TRMT44: variants seen among roughly 807,000 people sequenced by gnomAD.
TRMT44 encodes the protein probable tRNA (uracil-O(2)-)-methyltransferase.
TRMT44 carries 78 observed loss-of-function variants against 77.3 expected under a neutral mutation model. That is an observed-to-expected ratio of 1.01 (90% confidence interval 0.84 to 1.22). The LOEUF is 1.22. Among genes scored for constraint, TRMT44 ranks in the 50% most tolerant of loss-of-function variants. TRMT44 has a pLI of 0.00. For missense variants in TRMT44, 1,090 were observed against 964.4 expected (o/e 1.13, Z -1.73); for synonymous variants, 391 against 383.3 (o/e 1.02, Z -0.23).
chr4:8,504,636 G>A, the TRMT44 span, among the ~76,000 whole-genome samples: 1 of 152,118 alleles, frequency 6.6e-6, no homozygotes, highest in South Asian at 2.1e-4. The surrounding 1 kb of genome is among the most constrained non-coding windows in gnomAD (Gnocchi z 5.3). Flanking sequence ...TCTTCCACCC[G>A]GGAGGAAGTT....
chr4:8,509,311 C>T, the TRMT44 span: 5 of 152,816 alleles, frequency 3.3e-5, no homozygotes, highest in Middle Eastern at 3.4e-3. Flanking sequence ...CCAGCTGCCC[C>T]GGAGTGGCAG....
chr4:8,507,420 C>T, the TRMT44 span: 12 of 152,778 alleles, frequency 7.9e-5, no homozygotes, highest in Non-Finnish European at 1.3e-4. Context: ...CTGAAAACCC[C>T]GGGAGGGAAG....
intron 1 of TRMT44, among the ~76,000 whole-genome samples, chr4:8,445,292 CTGTTGCAGTTTTTAA>C (rs1401063771): frequency 3.3e-5 from 5 of 152,232 alleles, no homozygotes; most frequent in African/African-American, 1.2e-4. Flanking sequence ...ACGCCTGGTC[CTGTTGCAGTTTTTAA>C]ATGAGATAAT....
At chr4:8,466,590 C>T (rs1277017282) in intron 8 of TRMT44, among the ~76,000 whole-genome samples, 2 of 152,264 alleles carry the variant, frequency 1.3e-5, no homozygotes, top group African/African-American at 4.8e-5. Flanking sequence ...TCCCGTCATC[C>T]TCTGTGTCCT....
At chr4:8,447,702 G>A (rs923839302) in intron 2 of TRMT44, among the ~76,000 whole-genome samples, 11 of 152,200 alleles carry the variant, frequency 7.2e-5, no homozygotes, top group African/African-American at 2.2e-4. Context: ...GTAGCATGAA[G>A]CCCTTTGAGA....
At chr4:8,488,616 C>T (rs952948941) in intron 2 of TRMT44, among the ~76,000 whole-genome samples, 1 of 152,182 alleles carries the variant, frequency 6.6e-6, no homozygotes, top group Admixed American at 6.5e-5. Context: ...ATTTTCACTT[C>T]TTTTGTGATT....
chr4:8,484,390 G>T (rs771084434), intron 2 of TRMT44, among the ~76,000 whole-genome samples: 3 of 152,136 alleles, frequency 2.0e-5, no homozygotes, highest in Non-Finnish European at 2.9e-5. Context: ...TCAGGTGTGA[G>T]GAAGAACATA....
In TRMT44 at chr4:8,441,302, G is replaced by T. The variant is rs1724671869; in HGVS notation, c.480G>T (p.Leu160Phe). 6.5e-7 allele frequency: 1 copy of T among 1,535,646 alleles called. No homozygotes were observed. The highest frequency in any genetic ancestry group is 1.4e-5 in the African/African-American group (1 of 73,188). Reference sequence around the variant, plus strand: ...GTCTCGCCCGTGGCAATTCGGAGTTGCTGGCCTTCCTCACCAGCTCCGGGG... The same window carrying T: ...GTCTCGCCCGTGGCAATTCGGAGTTTCTGGCCTTCCTCACCAGCTCCGGGG... ...SQSLARGNSE[L>F]LAFLTSSGAG... Residue 160 changes from leucine to phenylalanine, a missense_variant, in exon 1 of 11, where the codon TTG becomes TTT. Transcript: ENST00000389737.
rs1214404624 is a variant in TRMT44, at chr4:8,444,904, G to A, written c.620-1572G>A. ...GAAAAATTTAAAAATTTTAAAAATCGAAATTTATCATTGTGTAGCGACAAC... is the reference window on the plus strand; with the variant it reads ...GAAAAATTTAAAAATTTTAAAAATCAAAATTTATCATTGTGTAGCGACAAC... On this transcript the variant is annotated intron_variant, in intron 1 of 10. Transcript: ENST00000389737. This position sits in a 1 kb window ranked among gnomAD's most constrained non-coding sequence, Gnocchi z 4.0. Among the ~76,000 whole-genome samples the A allele has an allele frequency of 2.0e-5, 3 of 152,050 alleles. No homozygotes were observed. The highest frequency in any genetic ancestry group is 2.1e-4 in the South Asian group (1 of 4,832).
At chr4:8,442,092 AT>A (rs1429306906) in intron 1 of TRMT44, among the ~76,000 whole-genome samples, 2 of 152,230 alleles carry the variant, frequency 1.3e-5, no homozygotes, top group African/African-American at 4.8e-5. Flanking sequence ...CATTGTAGTG[AT>A]TCAAAGGAGT....
the TRMT44 span, among the ~76,000 whole-genome samples, chr4:8,515,397 G>A: frequency 6.6e-6 from 1 of 152,366 alleles, no homozygotes; most frequent in East Asian, 1.9e-4. Context: ...AGCTGTCCTG[G>A]CTTTGCCCCT....
chr4:8,516,321 G>A, the TRMT44 span, among the ~76,000 whole-genome samples: 15 of 152,220 alleles, frequency 9.9e-5, no homozygotes, highest in Admixed American at 9.2e-4. Flanking sequence ...CAGGCTCTGC[G>A]TGCCAAGGAC....
At chr4:8,501,769 G>A in the TRMT44 span, among the ~76,000 whole-genome samples, 1 of 152,096 alleles carries the variant, frequency 6.6e-6, no homozygotes, top group Non-Finnish European at 1.5e-5. This position sits in a 1 kb window ranked among gnomAD's most constrained non-coding sequence, Gnocchi z 4.4. Flanking sequence ...TCAGTGACTG[G>A]AGTCTCAAGG....
the TRMT44 span, among the ~76,000 whole-genome samples, chr4:8,514,310 A>G: frequency 7.1e-6 from 1 of 141,236 alleles, no homozygotes; most frequent in Non-Finnish European, 1.5e-5. Flanking sequence ...GCTGGAGTGC[A>G]GTGGTGTGAT....
intron 2 of TRMT44, among the ~76,000 whole-genome samples, chr4:8,489,294 C>T (rs1727918852): frequency 6.6e-6 from 1 of 152,322 alleles, no homozygotes; most frequent in Admixed American, 6.5e-5. Context: ...ATTGACTTGG[C>T]CTCCTTATGG....
In TRMT44 at chr4:8,468,150, A is replaced by G; in HGVS notation, c.1731A>G (p.Ala577=). The part of the protein sequence containing the change: ...VTRAWAAEHG[A]GPQAEGPWLP... ...GGGCCTGGGCCGCTGAGCATGGAGC[A>G]GGGCCCCAGGCTGAAGGACCCTGGC... is the stretch of plus-strand genomic sequence containing the variant. The change falls in exon 9 of 11, where the codon GCA becomes GCG. Residue 577 remains alanine (A), a synonymous_variant. Coordinates refer to ENST00000389737, the MANE Select transcript of TRMT44 (RefSeq NM_152544.3). 6.2e-7 allele frequency: 1 copy of G among 1,614,052 alleles called. No individual in the cohort carries two copies. Among genetic ancestry groups the G allele is most frequent in the South Asian group, 1.1e-5 (1 of 91,082 alleles).
chr4:8,454,645 G>A (rs1725678378), intron 5 of TRMT44, 97 bp from the exon 6 acceptor site: 7 of 1,173,400 alleles, frequency 6.0e-6, no homozygotes, highest in South Asian at 1.3e-5. Context: ...CTTGCCCTTC[G>A]TCCTGCTGGC....
In TRMT44 at chr4:8,441,327, G is replaced by T; in HGVS notation, c.505G>T (p.Ala169Ser). The change falls in exon 1 of 11, where the codon GCG becomes TCG. Residue 169 changes from alanine to serine, a missense_variant. Transcript: ENST00000389737. ...GCTGGCCTTCCTCACCAGCTCCGGG[G>T]CGGGATCGCAGCCAGAGGCGCAGCG... ...ELLAFLTSSG[A>S]GSQPEAQREL... The T allele has an allele frequency of 6.5e-7, 1 of 1,535,610 alleles. No individual in the cohort carries two copies. Among genetic ancestry groups the T allele is most frequent in the Non-Finnish European group, 8.7e-7 (1 of 1,146,648 alleles).
the TRMT44 span, chr4:8,510,660 G>A: frequency 6.6e-6 from 1 of 152,568 alleles, no homozygotes; most frequent in South Asian, 2.1e-4. Context: ...GGGGGTGTCA[G>A]GGGAAGAGGG....
Sources: gnomAD v4.1 joint callset for allele counts (sites outside exome capture counted in the v4.1 genomes callset) on GRCh38, gnomAD v4.1.1 for gene constraint, Gnocchi (gnomAD v3.1) non-coding constraint, MANE v1.5 for transcripts, NCBI Gene and HGNC (gene_info 2026-07-23, HGNC 2026-07-21) for gene names.